Variants in ADGRL3 observed in about 807,000 individuals in gnomAD.
ADGRL3 encodes calcium-independent alpha-latrotoxin receptor 3.
A neutral mutation model predicts 153.5 loss-of-function variants in ADGRL3; 62 were observed. The ratio of observed to expected loss-of-function variants is 0.40; its 90% CI spans 0.33 to 0.50. ADGRL3 has a LOEUF of 0.50. ADGRL3 is among the 20% of genes least tolerant of loss of function. ADGRL3 has a pLI of 0.47. For synonymous variants in ADGRL3, 710 were observed against 672.5 expected, an observed-to-expected ratio of 1.06 and a Z score of -0.86; for missense variants, 1,641 against 1,859.4, an observed-to-expected ratio of 0.88 and a Z score of 2.16.
intron 24 of ADGRL3, among the ~76,000 whole-genome samples, chr4:62,043,484 A>G (rs1729486134): frequency 6.6e-6 from 1 of 152,112 alleles, no homozygotes; most frequent in Non-Finnish European, 1.5e-5. Flanking sequence ...TTTCTGAAGA[A>G]TAAGCATGTT....
At chr4:61,586,437 G>C (rs138802375) in intron 4 of ADGRL3, among the ~76,000 whole-genome samples, 47 of 151,836 alleles carry the variant, frequency 3.1e-4, no homozygotes, top group African/African-American at 1.1e-3. Context: ...ATCCAGATAT[G>C]GAAAGATTTC....
At chr4:61,869,983 AGAGAGAGGG>A (rs2098433136) in intron 9 of ADGRL3, among the ~76,000 whole-genome samples, 1 of 104,916 alleles carries the variant, frequency 9.5e-6, no homozygotes, top group Non-Finnish European at 2.1e-5. Context: ...AGAAAGAGAG[AGAGAGAGGG>A]AGAGAGAGAG....
chr4:62,021,077 A>G (rs1197618175), intron 21 of ADGRL3, among the ~76,000 whole-genome samples: 2 of 152,124 alleles, frequency 1.3e-5, no homozygotes, highest in African/African-American at 4.8e-5. Context: ...TATAATTTCC[A>G]AAATACTTTA....
intron 13 of ADGRL3, among the ~76,000 whole-genome samples, chr4:61,930,898 A>C (rs2098815114): frequency 1.3e-5 from 2 of 152,272 alleles, no homozygotes; most frequent in Non-Finnish European, 2.9e-5. Flanking sequence ...GCAAATAACT[A>C]GTTGGAGAAA....
intron 8 of ADGRL3, among the ~76,000 whole-genome samples, chr4:61,789,575 G>A (rs999618131): frequency 6.6e-5 from 10 of 152,156 alleles, no homozygotes; most frequent in East Asian, 1.9e-4. Context: ...ATGCTTGAGC[G>A]ATTATATGCT....
At chr4:61,744,026 G>T (rs148522407) in intron 8 of ADGRL3, among the ~76,000 whole-genome samples, 1 of 152,142 alleles carries the variant, frequency 6.6e-6, no homozygotes, top group East Asian at 1.9e-4. Flanking sequence ...GAGCTTTTCC[G>T]ATGGGCTTAA....
At chr4:61,524,170 C>G (rs1188474699) in intron 4 of ADGRL3, among the ~76,000 whole-genome samples, 1 of 152,118 alleles carries the variant, frequency 6.6e-6, no homozygotes, top group Admixed American at 6.6e-5. Context: ...TAATAAAGAT[C>G]TGAAGTGTAT....
At chr4:61,667,476 A>C (rs949422779) in intron 5 of ADGRL3, among the ~76,000 whole-genome samples, 1 of 152,184 alleles carries the variant, frequency 6.6e-6, no homozygotes, top group Non-Finnish European at 1.5e-5. Flanking sequence ...ATTTCAGTCC[A>C]TCAACATGAG....
At chr4:61,721,887 G>A (rs2096249464) in intron 6 of ADGRL3, among the ~76,000 whole-genome samples, 1 of 152,082 alleles carries the variant, frequency 6.6e-6, no homozygotes, top group African/African-American at 2.4e-5. Flanking sequence ...AAATTTGATA[G>A]AAAGCCTGAA....
At chr4:61,205,213 T>C (rs1479625874) in intron 1 of ADGRL3, among the ~76,000 whole-genome samples, 1 of 152,226 alleles carries the variant, frequency 6.6e-6, no homozygotes, top group Non-Finnish European at 1.5e-5. Context: ...CAGATTGGAT[T>C]TGGACCACTT....
intron 1 of ADGRL3, among the ~76,000 whole-genome samples, chr4:61,313,095 C>G (rs2095072694): frequency 1.3e-5 from 2 of 152,076 alleles, no homozygotes; most frequent in Admixed American, 1.3e-4. Flanking sequence ...ATCCTAAATG[C>G]TTGAAATGTA....
At chr4:61,643,289 C>T (rs1295766399) in intron 5 of ADGRL3, among the ~76,000 whole-genome samples, 1 of 151,092 alleles carries the variant, frequency 6.6e-6, no homozygotes, top group Admixed American at 6.6e-5. Flanking sequence ...TTTCCTTCTC[C>T]TGCCTAATTG....
chr4:61,402,696 G>C lies in ADGRL3; in HGVS notation c.-174+19507G>C, dbSNP rs376195582. 3.3e-5 allele frequency among the ~76,000 whole-genome samples: 5 copies of C among 152,100 alleles called. 1 individual carries two copies. In the East Asian group the frequency reaches 9.7e-4, roughly 30 times the overall value. ...TTTCCTAAACTTATCAGCTAGAGAA[G>C]TCACCCTTCTTCCCTCCAGCAGAGT... On this transcript the variant is annotated intron_variant, in intron 2 of 26. Coordinates refer to ENST00000683033, the MANE Select transcript of ADGRL3 (RefSeq NM_001387552.1).
intron 1 of ADGRL3, among the ~76,000 whole-genome samples, chr4:61,321,021 C>T (rs931633645): frequency 1.1e-4 from 17 of 152,262 alleles, no homozygotes; most frequent in African/African-American, 3.4e-4. Flanking sequence ...TGCCTTCTCT[C>T]GAGCTCTCTG....
In ADGRL3 at chr4:61,445,237, C is replaced by T. The variant is rs28636811; in HGVS notation, c.-173-51884C>T. Among the ~76,000 whole-genome samples, 1,357 of 152,050 alleles carry T rather than the reference C, an allele frequency of 8.9e-3. 20 individuals are homozygous for T. Among genetic ancestry groups the T allele is most frequent in the African/African-American group, 0.029 (1,215 of 41,462 alleles). On this transcript the variant is annotated intron_variant, in intron 2 of 26. Coordinates refer to ENST00000683033, the MANE Select transcript of ADGRL3 (RefSeq NM_001387552.1). The stretch of plus-strand genomic sequence containing the variant: ...GGTACTAGGAGGAGGATGATAGATC[C>T]GCAAAGAATTGTGAAGTTAGCAACA...
intron 20 of ADGRL3, among the ~76,000 whole-genome samples, chr4:61,997,353 G>T (rs937564187): frequency 2.6e-5 from 4 of 151,270 alleles, no homozygotes; most frequent in African/African-American, 7.3e-5. Flanking sequence ...CTTCATGTTA[G>T]GCTTTTTGGC....
intron 2 of ADGRL3, among the ~76,000 whole-genome samples, chr4:61,448,811 G>A (rs28515549): frequency 0.11 from 10,414 of 97,932 alleles, 516 homozygotes; most frequent in Middle Eastern, 0.19. Flanking sequence ...AGGAAGGGAG[G>A]GAAGGAAGGA....
At chr4:61,640,772 C>A (rs1041994543) in intron 5 of ADGRL3, among the ~76,000 whole-genome samples, 1 of 152,164 alleles carries the variant, frequency 6.6e-6, no homozygotes, top group Non-Finnish European at 1.5e-5. Flanking sequence ...CAGCAGATCT[C>A]ATTGTCATTC....
At chr4:61,694,179 ATTTTTTTTTTTTTTT>A (rs554084495) in intron 6 of ADGRL3, among the ~76,000 whole-genome samples, 7 of 26,710 alleles carry the variant, frequency 2.6e-4, no homozygotes, top group African/African-American at 1.0e-3. Context: ...TTTTGTCATT[ATTTTTTTTTTTTTTT>A]TTTTTTTTTT....
Sources: allele counts gnomAD v4.1 joint callset (sites outside exome capture counted in the v4.1 genomes callset), GRCh38; gene constraint gnomAD v4.1.1; transcripts MANE v1.5; gene names NCBI Gene and HGNC (gene_info 2026-07-23, HGNC 2026-07-21).